TENM4: variants seen among roughly 807,000 people sequenced by gnomAD.
The protein encoded by TENM4 is teneurin-4.
TENM4 carries 82 observed loss-of-function variants against 243.3 expected under a neutral mutation model. The ratio of observed to expected loss-of-function variants is 0.34; its 90% CI spans 0.28 to 0.40. The LOEUF (loss-of-function observed/expected upper bound fraction) is 0.40, where lower values mean the gene tolerates loss of function less well. TENM4 is among the 10% of genes least tolerant of loss of function. TENM4 has a pLI of 1.00. For missense variants in TENM4, 3,138 were observed against 3,673.3 expected (o/e 0.85, Z 3.77); for synonymous variants, 1,412 against 1,456.3 (o/e 0.97, Z 0.69).
chr11:78,863,032 G>T lies in TENM4; in HGVS notation c.1185C>A (p.Asp395Glu), dbSNP rs1212242998. The T allele has an allele frequency of 6.5e-7, 1 of 1,535,662 alleles. No homozygotes were observed. Among genetic ancestry groups the T allele is most frequent in the Non-Finnish European group, 8.8e-7 (1 of 1,134,624 alleles). Residue 395 changes from aspartate (D) to glutamate (E), a missense_variant, in exon 10 of 34, where the codon GAC becomes GAA. By Grantham distance (45) the Asp-to-Glu change is conservative. This residue lies in a region of TENM4 where 671 missense variants were observed against 614.1 expected (regional missense o/e 1.09). Coordinates refer to ENST00000278550, the MANE Select transcript of TENM4 (RefSeq NM_001098816.3). ...DTASSWPVPTDVSLYPSGGTG... is the reference protein window; with the variant it reads ...DTASSWPVPTEVSLYPSGGTG... ...TGCCCCCTGAGGGGTATAGGGAGACGTCGGTTGGCACAGGCCAACTGCTGG... is the reference window on the plus strand; with the variant it reads ...TGCCCCCTGAGGGGTATAGGGAGACTTCGGTTGGCACAGGCCAACTGCTGG...
At chr11:79,398,795 A>T (rs74369662) in intron 1 of TENM4, among the ~76,000 whole-genome samples, 1 of 146,508 alleles carries the variant, frequency 6.8e-6, no homozygotes, top group Admixed American at 6.9e-5. Context: ...AACTGAGGAG[A>T]TGGAAGACAG....
At chr11:78,739,897 G>A (rs972151767) in intron 19 of TENM4, among the ~76,000 whole-genome samples, 1 of 152,166 alleles carries the variant, frequency 6.6e-6, no homozygotes, top group African/African-American at 2.4e-5. Context: ...ATAGAAAGCA[G>A]GTGATAGAGG....
intron 1 of TENM4, among the ~76,000 whole-genome samples, chr11:79,424,849 G>C (rs1042496867): frequency 1.3e-5 from 2 of 150,190 alleles, no homozygotes; most frequent in Non-Finnish European, 3.0e-5. Context: ...CAGGAGAATG[G>C]CATAAACCTG....
chr11:78,916,958 G>C (rs1455187935), intron 6 of TENM4, among the ~76,000 whole-genome samples: 5 of 152,236 alleles, frequency 3.3e-5, no homozygotes, highest in African/African-American at 1.2e-4. Flanking sequence ...GCCTCCTAGA[G>C]GCAGAAGAAG....
At chr11:79,126,500 C>T (rs988391337) in intron 4 of TENM4, among the ~76,000 whole-genome samples, 2 of 152,170 alleles carry the variant, frequency 1.3e-5, no homozygotes, top group African/African-American at 2.4e-5. Context: ...GCATTGCTAC[C>T]TTAATGGACA....
chr11:78,733,964 G>A (rs994275654), intron 20 of TENM4, among the ~76,000 whole-genome samples: 6 of 152,222 alleles, frequency 3.9e-5, no homozygotes, highest in East Asian at 3.9e-4. Flanking sequence ...CGAGGAGGGC[G>A]GATCACCTGA....
In TENM4 at chr11:79,070,019, G is replaced by A. The variant is rs2137002582; in HGVS notation, c.-65-10C>T. On this transcript the variant is annotated splice_polypyrimidine_tract_variant and intron_variant, in intron 4 of 33. Coordinates refer to ENST00000278550, the MANE Select transcript of TENM4 (RefSeq NM_001098816.3). ...CTCAGGGCCGAGTGGTCTAGAGCCA[G>A]GGAAACCAAAGATAGGGCGTGAGAG... is the stretch of plus-strand genomic sequence containing the variant. 2 of 1,496,108 alleles carry A rather than the reference G, an allele frequency of 1.3e-6. No individual in the cohort carries two copies. The highest frequency in any genetic ancestry group is 1.8e-6 in the Non-Finnish European group (2 of 1,125,782). 92.7% of individuals were successfully genotyped at this position (1,496,108 alleles called of 1,614,324 possible). A position where few individuals can be genotyped will look rare whatever the true frequency, so the allele number is the denominator to read the frequency against.
chr11:78,824,854 C>T (rs549291931), intron 12 of TENM4, among the ~76,000 whole-genome samples: 1 of 152,324 alleles, frequency 6.6e-6, no homozygotes, highest in African/African-American at 2.4e-5. Flanking sequence ...ATATCACATG[C>T]TGATCCCATT....
chr11:78,924,017 G>A (rs1320635732), intron 6 of TENM4, among the ~76,000 whole-genome samples: 1 of 150,190 alleles, frequency 6.7e-6, no homozygotes. Flanking sequence ...ACCACGCCTG[G>A]CTTATTTTTG....
chr11:78,857,577 A>C (rs900933779), intron 10 of TENM4, among the ~76,000 whole-genome samples: 3 of 152,216 alleles, frequency 2.0e-5, no homozygotes, highest in African/African-American at 7.2e-5. Flanking sequence ...TTTAGCTTCA[A>C]ACTGTTAAAT....
At chr11:78,886,007 T>TAAC (rs1432411601) in intron 9 of TENM4, among the ~76,000 whole-genome samples, 5 of 152,190 alleles carry the variant, frequency 3.3e-5, no homozygotes, top group African/African-American at 4.8e-5. Flanking sequence ...CCTAGGCAGA[T>TAAC]AACAGCAAAA....
chr11:79,019,998 C>G (rs1413209503), intron 6 of TENM4, among the ~76,000 whole-genome samples: 1 of 152,244 alleles, frequency 6.6e-6, no homozygotes, highest in African/African-American at 2.4e-5. Flanking sequence ...TCCCACCACC[C>G]TGCCAGCCTG....
At chr11:79,135,762 T>TAC (rs1156272860) in intron 4 of TENM4, among the ~76,000 whole-genome samples, 4 of 140,282 alleles carry the variant, frequency 2.9e-5, no homozygotes, top group Admixed American at 7.2e-5. Flanking sequence ...TATATGTATA[T>TAC]ATCATATATA....
Position 78,756,879 on chromosome 11 carries a change from G to A in TENM4, c.2682C>T (p.Phe894=), listed in dbSNP as rs759028347. The change falls in exon 19 of 34, where the codon TTC becomes TTT. Residue 894 remains phenylalanine, a synonymous_variant. Transcript: ENST00000278550. The part of the protein sequence containing the change: ...VPVSQQNLHS[F]YDRIKFLVGR... ...CCACGAGGAACTTGATGCGGTCATA[G>A]AAGGAGTGTAGGTTCTGCTGTGACA... 3 of 1,613,978 alleles carry A rather than the reference G, an allele frequency of 1.9e-6. No homozygotes were observed. Among genetic ancestry groups the A allele is most frequent in the Non-Finnish European group, 1.7e-6 (2 of 1,179,884 alleles).
intron 2 of TENM4, among the ~76,000 whole-genome samples, chr11:79,229,967 C>G (rs996059620): frequency 4.6e-5 from 7 of 150,610 alleles, no homozygotes; most frequent in Non-Finnish European, 8.8e-5. Flanking sequence ...GCTGCAACTA[C>G]AGCTGCATAT....
intron 3 of TENM4, among the ~76,000 whole-genome samples, chr11:79,176,067 G>A (rs1001323590): frequency 3.3e-5 from 5 of 152,166 alleles, no homozygotes; most frequent in African/African-American, 1.2e-4. Context: ...ACTCCAGCCT[G>A]GGTGACAGAG....
chr11:79,230,978 C>T (rs951704432), intron 2 of TENM4, among the ~76,000 whole-genome samples: 3 of 152,194 alleles, frequency 2.0e-5, no homozygotes, highest in African/African-American at 4.8e-5. Flanking sequence ...ACCGGACTCA[C>T]TGGGGTTGGG....
intron 11 of TENM4, among the ~76,000 whole-genome samples, chr11:78,855,299 A>T (rs1016787721): frequency 1.3e-5 from 2 of 152,168 alleles, no homozygotes; most frequent in African/African-American, 4.8e-5. Flanking sequence ...TATGATTTAC[A>T]TTACTCCAAT....
chr11:78,913,418 T>C (rs999648920), intron 6 of TENM4, among the ~76,000 whole-genome samples: 3 of 152,162 alleles, frequency 2.0e-5, no homozygotes, highest in African/African-American at 4.8e-5. Flanking sequence ...CTTAAAGCTG[T>C]GTCTACCTCA....
Sources: gnomAD v4.1 joint callset for allele counts (sites outside exome capture counted in the v4.1 genomes callset) on GRCh38, gnomAD v4.1.1 for gene constraint, gnomAD v4.1.1 regional missense constraint, MANE v1.5 for transcripts, NCBI Gene and HGNC (gene_info 2026-07-23, HGNC 2026-07-21) for gene names.